The following HSD17B4 variants were observed in gnomAD, a reference collection of about 807,000 sequenced individuals.
HSD17B4 encodes the protein peroxisomal multifunctional enzyme type 2.
A neutral mutation model predicts 101.0 loss-of-function variants in HSD17B4; 70 were observed. The ratio of observed to expected loss-of-function variants is 0.69; its 90% confidence interval spans 0.57 to 0.85. The LOEUF (loss-of-function observed/expected upper bound fraction) is 0.85. Ranked by LOEUF, HSD17B4 falls within the 40% of genes least tolerant of loss-of-function variation. The probability of loss-of-function intolerance (pLI) is 0.00; values close to 1 mark genes in which losing one functional copy is unlikely to be tolerated. For synonymous variants in HSD17B4, 347 were observed against 297.1 expected (o/e 1.17, Z -1.73); for missense variants, 984 against 892.4 (o/e 1.10, Z -1.31).
At chr5:119,459,374 T>C (rs1045740676) in intron 2 of HSD17B4, among the ~76,000 whole-genome samples, 2 of 152,192 alleles carry the variant, frequency 1.3e-5, no homozygotes, top group African/African-American at 4.8e-5. Flanking sequence ...CTGCTTACCA[T>C]ATATGACTCA....
Position 119,541,962 on chromosome 5 carries a change from C to G in HSD17B4, c.2179C>G (p.Gln727Glu), listed in dbSNP as rs1168547933. ...GAACATCATGCTGAGCCAGAAACTT[C>G]AGATGATTCTTAAAGACTACGCCAA... ...RGNIMLSQKL[Q>E]MILKDYAKL The change falls in exon 24 of 24, where the codon CAG becomes GAG. Residue 727 changes from glutamine (Q) to glutamate (E), a missense_variant. Physicochemically the swap from Gln to Glu is conservative, Grantham distance 29. Transcript: ENST00000510025. 4 of 1,612,850 alleles carry G rather than the reference C, an allele frequency of 2.5e-6. No individual in the cohort carries two copies. The highest frequency in any genetic ancestry group is 2.2e-5 in the East Asian group (1 of 44,826).
At chr5:119,452,746 G>A (rs770949255) in intron 1 of HSD17B4, 113 bp downstream of exon 1, 6 of 1,592,128 alleles carry the variant, frequency 3.8e-6, no homozygotes, top group Non-Finnish European at 5.1e-6. Flanking sequence ...GAGGTGGTGG[G>A]GAGGGGAATG....
intron 11 of HSD17B4, among the ~76,000 whole-genome samples, chr5:119,494,398 ATTAT>A (rs924091989): frequency 1.0e-4 from 10 of 100,032 alleles, no homozygotes; most frequent in South Asian, 6.1e-4. Context: ...TCTCAAAAAG[ATTAT>A]TTAAGCCTTT....
chr5:119,455,547 T>TCC, intron 1 of HSD17B4, among the ~76,000 whole-genome samples: 2 of 116,048 alleles, frequency 1.7e-5, no homozygotes, highest in African/African-American at 6.6e-5. Flanking sequence ...AAACTTTCTC[T>TCC]CTCTCTCTCT....
chr5:119,460,612 A>T (rs1057307360), intron 2 of HSD17B4, among the ~76,000 whole-genome samples: 23 of 152,236 alleles, frequency 1.5e-4, no homozygotes, highest in Non-Finnish European at 7.3e-5. Context: ...CATCAAATAG[A>T]TTCATTTATT....
intron 19 of HSD17B4, 37 bp downstream of exon 19, chr5:119,526,060 C>A: frequency 3.6e-6 from 4 of 1,116,520 alleles, no homozygotes; most frequent in South Asian, 1.2e-5. Context: ...AATATTACTT[C>A]CTTTTTCTAT....
intron 15 of HSD17B4, among the ~76,000 whole-genome samples, chr5:119,508,640 C>CT (rs1387361027): frequency 6.6e-6 from 1 of 152,120 alleles, no homozygotes; most frequent in Non-Finnish European, 1.5e-5. Flanking sequence ...TATTAGGTGC[C>CT]TTTTTTTCTG....
chr5:119,488,094 A>G (rs765670411), intron 8 of HSD17B4, among the ~76,000 whole-genome samples: 2 of 152,134 alleles, frequency 1.3e-5, no homozygotes, highest in Non-Finnish European at 2.9e-5. Context: ...CATTTATTTG[A>G]TCTTTTAGAT....
intron 2 of HSD17B4, among the ~76,000 whole-genome samples, chr5:119,470,359 C>G (rs764998027): frequency 6.6e-6 from 1 of 152,034 alleles, no homozygotes; most frequent in Non-Finnish European, 1.5e-5. Context: ...CTATTGGCCT[C>G]CAGGTCAGAA....
chr5:119,476,789 CTTT>C (rs940954244), intron 6 of HSD17B4: 2 of 768,392 alleles, frequency 2.6e-6, no homozygotes, highest in Non-Finnish European at 3.2e-6. Flanking sequence ...CCCTCTCTTT[CTTT>C]TTTTTAGTTC....
chr5:119,539,595 AAAAG>A (rs1561496892), intron 23 of HSD17B4, among the ~76,000 whole-genome samples: 1 of 151,906 alleles, frequency 6.6e-6, no homozygotes, highest in Non-Finnish European at 1.5e-5. Flanking sequence ...ATAATAATAA[AAAAG>A]AAGAAGTGGA....
intron 6 of HSD17B4, among the ~76,000 whole-genome samples, chr5:119,476,184 A>C (rs534964340): frequency 1.3e-5 from 2 of 152,292 alleles, no homozygotes; most frequent in African/African-American, 4.8e-5. Flanking sequence ...TTAACTCTTA[A>C]CAGCCTTTAA....
rs1749812782 is a variant in HSD17B4, at chr5:119,488,570, A to T, written c.623-622A>T. ...CCCTGATTTGGTCGTTACACATTGT[A>T]TAAGGTATCAAAATATCACATGCAC... On this transcript the variant is annotated intron_variant, in intron 8 of 23. Transcript: ENST00000510025. Among the ~76,000 whole-genome samples the T allele has an allele frequency of 2.0e-5, 3 of 152,204 alleles. No homozygotes were observed. In the South Asian group the frequency reaches 6.2e-4, roughly 31 times the overall value.
rs372914814 is a variant in HSD17B4, at chr5:119,478,965, G to C, written c.566G>C (p.Cys189Ser). Residue 189 changes from cysteine (C) to serine (S), a missense_variant, in exon 8 of 24, where the codon TGT becomes TCT. Coordinates refer to ENST00000510025, the MANE Select transcript of HSD17B4 (RefSeq NM_000414.4). ...GAAGGCAGGAAAAGCAACATTCATT[G>C]TAACACCATTGCTCCTAATGCGGGA... ...AIEGRKSNIHCNTIAPNAGSR... is the reference protein window; with the variant it reads ...AIEGRKSNIHSNTIAPNAGSR... 38 of 1,613,576 alleles carry C rather than the reference G, an allele frequency of 2.4e-5. No homozygotes were observed. Among genetic ancestry groups the C allele is most frequent in the Admixed American group, 3.3e-5 (2 of 59,948 alleles).
chr5:119,518,468 T>A (rs2126849635), intron 17 of HSD17B4, among the ~76,000 whole-genome samples: 1 of 152,250 alleles, frequency 6.6e-6, no homozygotes, highest in East Asian at 1.9e-4. Context: ...ACAGAAGGGT[T>A]CGATAGTAAG....
intron 13 of HSD17B4, among the ~76,000 whole-genome samples, chr5:119,500,827 A>T (rs1751089637): frequency 6.6e-6 from 1 of 152,078 alleles, no homozygotes; most frequent in Admixed American, 6.6e-5. Context: ...GTCAAGAAGG[A>T]GGAGGGAACA....
At chr5:119,535,794 G>C (rs1302962661) in intron 22 of HSD17B4, 1 of 151,626 alleles carries the variant, frequency 6.6e-6, no homozygotes, top group Admixed American at 6.6e-5. Flanking sequence ...AAACATGTTT[G>C]TGCCAGCAAA....
chr5:119,478,586 A>G (rs1748815905), intron 7 of HSD17B4, among the ~76,000 whole-genome samples: 1 of 152,192 alleles, frequency 6.6e-6, no homozygotes, highest in African/African-American at 2.4e-5. Flanking sequence ...TATGGTTGTA[A>G]AGCATAAGTC....
At chr5:119,540,854 G>T (rs1475619599) in intron 23 of HSD17B4, among the ~76,000 whole-genome samples, 1 of 152,126 alleles carries the variant, frequency 6.6e-6, no homozygotes, top group Non-Finnish European at 1.5e-5. Context: ...ACTTGAGCAG[G>T]TTATTTAATA....
Sources: allele counts gnomAD v4.1 joint callset (sites outside exome capture counted in the v4.1 genomes callset), GRCh38; gene constraint gnomAD v4.1.1; transcripts MANE v1.5; gene names NCBI Gene and HGNC (gene_info 2026-07-23, HGNC 2026-07-21).